RRM2: variants seen among roughly 807,000 people sequenced by gnomAD.
The protein encoded by RRM2 is ribonucleoside-diphosphate reductase subunit M2.
A neutral mutation model predicts 45.9 loss-of-function variants in RRM2; 6 were observed. That is an observed-to-expected ratio of 0.13 (90% confidence interval 0.07 to 0.26). RRM2 has a LOEUF of 0.26. Ranked by LOEUF, RRM2 falls within the 10% of genes least tolerant of loss-of-function variation. RRM2 has a pLI of 1.00. For synonymous variants in RRM2, 177 were observed against 173.0 expected (o/e 1.02, Z -0.18); for missense variants, 343 against 489.5 (o/e 0.70, Z 2.82).
chr2:10,161,731 A>G (rs538286268), intron 3 of RRM2, among the ~76,000 whole-genome samples: 48 of 152,230 alleles, frequency 3.2e-4, no homozygotes, highest in Admixed American at 1.5e-3. Flanking sequence ...AGGGAAATGA[A>G]CTCACAGGAC....
chr2:10,148,124 A>G (rs1389119005), intron 3 of RRM2, among the ~76,000 whole-genome samples: 1 of 149,094 alleles, frequency 6.7e-6, no homozygotes. Flanking sequence ...AGCCTGGGCA[A>G]CAGAGTGAGA....
intron 3 of RRM2, among the ~76,000 whole-genome samples, chr2:10,145,112 G>T (rs1441602878): frequency 6.6e-6 from 1 of 152,090 alleles, no homozygotes; most frequent in South Asian, 2.1e-4. Flanking sequence ...GAGAGAGGAG[G>T]GAGGCTCTTG....
At chr2:10,165,489 C>A (rs546999800) in intron 3 of RRM2, among the ~76,000 whole-genome samples, 8 of 152,242 alleles carry the variant, frequency 5.3e-5, no homozygotes, top group Non-Finnish European at 8.8e-5. Flanking sequence ...GTGAGGACCA[C>A]GGCGCAGGGG....
downstream of RRM2, among the ~76,000 whole-genome samples, chr2:10,135,851 T>C (rs1662980981): frequency 6.6e-6 from 1 of 151,996 alleles, no homozygotes; most frequent in Non-Finnish European, 1.5e-5. Flanking sequence ...TCTGCAGTGT[T>C]TGGGTGTGAC....
At position 10,210,528 on chromosome 2, in the gene RRM2, T is replaced by G. The variant is rs752644439; in HGVS notation, n.700T>G. On this transcript the variant is annotated non_coding_transcript_exon_variant, in exon 4 of 4. Transcript: ENST00000381786. ...TGGGCTCCAAGCTTCAGCATATCCT[T>G]TCACTGGACTCCACACAGGCCTGCG... 5 of 1,367,184 alleles carry G rather than the reference T, an allele frequency of 3.7e-6. No individual in the cohort carries two copies. The East Asian group carries it at 1.8e-4, about 50-fold the overall frequency. 84.7% of individuals were successfully genotyped at this position (1,367,184 alleles called of 1,614,324 possible). A position where few individuals can be genotyped will look rare whatever the true frequency, so the allele number is the denominator to read the frequency against.
At chr2:10,175,122 G>A (rs1663886645) in intron 3 of RRM2, among the ~76,000 whole-genome samples, 1 of 152,176 alleles carries the variant, frequency 6.6e-6, no homozygotes, top group Admixed American at 6.5e-5. Context: ...CAAATCTGAA[G>A]TCTGCAGTTT....
chr2:10,193,380 C>T (rs898589188), intron 3 of RRM2, among the ~76,000 whole-genome samples: 8 of 152,210 alleles, frequency 5.3e-5, no homozygotes, highest in East Asian at 1.9e-4. Context: ...CTCCTTCTCA[C>T]GAGGCTCTGT....
chr2:10,132,784 T>G (rs1219968474), downstream of RRM2, among the ~76,000 whole-genome samples: 1 of 152,202 alleles, frequency 6.6e-6, no homozygotes, highest in Admixed American at 6.5e-5. Context: ...ATTGCACAAG[T>G]TCGGGGCAGC....
At chr2:10,180,924 G>A (rs758884695) in intron 3 of RRM2, among the ~76,000 whole-genome samples, 5 of 152,056 alleles carry the variant, frequency 3.3e-5, no homozygotes, top group Non-Finnish European at 5.9e-5. Context: ...GCACCACCAT[G>A]TCTGGCTGAT....
downstream of RRM2, among the ~76,000 whole-genome samples, chr2:10,134,926 A>T (rs575350153): frequency 1.3e-5 from 2 of 152,368 alleles, no homozygotes; most frequent in African/African-American, 4.8e-5. Flanking sequence ...GGAATCACAC[A>T]TGAGAAGCAA....
downstream of RRM2, among the ~76,000 whole-genome samples, chr2:10,134,094 C>G (rs1185615829): frequency 6.7e-6 from 1 of 148,314 alleles, no homozygotes; most frequent in African/African-American, 2.5e-5. Context: ...AGGAGAATCA[C>G]TTGAACCTGG....
At chr2:10,197,933 C>T (rs1664448652) in intron 3 of RRM2, among the ~76,000 whole-genome samples, 1 of 152,158 alleles carries the variant, frequency 6.6e-6, no homozygotes, top group Non-Finnish European at 1.5e-5. Flanking sequence ...CTGGGCCTGT[C>T]TGCCTGTCTG....
chr2:10,132,769 G>T (rs1448743242), downstream of RRM2, among the ~76,000 whole-genome samples: 5 of 152,264 alleles, frequency 3.3e-5, no homozygotes, highest in African/African-American at 1.2e-4. Context: ...GTTGGCGCTG[G>T]GCCTATTGCA....
At chr2:10,190,034 G>A (rs1226890752) in intron 3 of RRM2, among the ~76,000 whole-genome samples, 2 of 152,016 alleles carry the variant, frequency 1.3e-5, no homozygotes, top group Non-Finnish European at 2.9e-5. Context: ...TGGTGATGGT[G>A]GTGATGGTGG....
downstream of RRM2, among the ~76,000 whole-genome samples, chr2:10,132,384 G>A (rs1662917975): frequency 6.6e-6 from 1 of 152,130 alleles, no homozygotes; most frequent in African/African-American, 2.4e-5. Flanking sequence ...TAAGGTGGAT[G>A]GGAGTGATTG....
intron 3 of RRM2, among the ~76,000 whole-genome samples, chr2:10,176,237 G>A (rs1442388696): frequency 1.3e-5 from 2 of 151,974 alleles, no homozygotes; most frequent in African/African-American, 4.8e-5. Context: ...ACCCAGAAGT[G>A]GAATTCCTGA....
chr2:10,138,969 G>A (rs776854948), upstream of RRM2, among the ~76,000 whole-genome samples: 1 of 152,128 alleles, frequency 6.6e-6, no homozygotes, highest in African/African-American at 2.4e-5. Context: ...TTAGCCGGAC[G>A]TGGTGATGGG....
chr2:10,132,947 A>T (rs1353509423), downstream of RRM2, among the ~76,000 whole-genome samples: 1 of 152,212 alleles, frequency 6.6e-6, no homozygotes, highest in Non-Finnish European at 1.5e-5. Context: ...TTGAGTGGTC[A>T]GGCTGCTGAG....
intron 3 of RRM2, among the ~76,000 whole-genome samples, chr2:10,170,600 G>T (rs981626330): frequency 6.6e-6 from 1 of 152,158 alleles, no homozygotes; most frequent in African/African-American, 2.4e-5. Context: ...GGGTGACTGC[G>T]GTCATTTGGG....
Sources: allele counts gnomAD v4.1 joint callset (sites outside exome capture counted in the v4.1 genomes callset), GRCh38; gene constraint gnomAD v4.1.1; transcripts MANE v1.5; gene names NCBI Gene and HGNC (gene_info 2026-07-23, HGNC 2026-07-21).